PEX26: variants seen among roughly 807,000 people sequenced by gnomAD.
PEX26 encodes peroxisomal biogenesis factor 26, also known as peroxisome assembly protein 26.
In PEX26, 18 loss-of-function variants were observed where a neutral mutation model predicts 31.4. The observed-to-expected ratio is 0.57, with a 90% CI of 0.40 to 0.85. PEX26 has a LOEUF of 0.85. Among genes scored for constraint, PEX26 ranks in the 40% least tolerant of loss-of-function variants. PEX26 has a pLI of 0.00. For synonymous variants in PEX26, 176 were observed against 166.9 expected (o/e 1.05, Z -0.42); for missense variants, 377 against 383.9 (o/e 0.98, Z 0.15).
Position 18,093,701 on chromosome 22 carries a change from T to A in PEX26, c.*5626T>A, listed in dbSNP as rs1414730190. 1 of 152,232 alleles carries A rather than the reference T, an allele frequency of 6.6e-6. No homozygotes were observed. Among genetic ancestry groups the A allele is most frequent in the East Asian group, 1.9e-4 (1 of 5,206 alleles). 9.4% of individuals were successfully genotyped at this position (152,232 alleles called of 1,614,324 possible). On this transcript the variant is annotated 3_prime_UTR_variant, in exon 5 of 5. Coordinates refer to ENST00000399744, the MANE Select transcript of PEX26 (RefSeq NM_001127649.3). Reference sequence around the variant, plus strand: ...CAACCCTCTGGTGTCTGATTGTGTATCTAGCAACATTGCAGTATGAAGAAA... The same window carrying A: ...CAACCCTCTGGTGTCTGATTGTGTAACTAGCAACATTGCAGTATGAAGAAA...
intron 1 of PEX26, 151 bp downstream of exon 1, chr22:18,078,757 C>T (rs1241466486): frequency 1.3e-6 from 1 of 764,996 alleles, no homozygotes; most frequent in Admixed American, 2.0e-5. Flanking sequence ...GGTCGCTCAT[C>T]GTGTGCCCAT....
chr22:18,079,726 C>A (rs1926470072), intron 1 of PEX26, 148 bp from the exon 2 acceptor site: 2 of 918,006 alleles, frequency 2.2e-6, no homozygotes, highest in Non-Finnish European at 3.5e-6. Flanking sequence ...CCCATGAGAC[C>A]AATTGTGAAG....
chr22:18,101,732 C>CA lies in PEX26; in HGVS notation c.*13659dup, dbSNP rs1195214062. 1 of 257,834 alleles carries CA rather than the reference C, an allele frequency of 3.9e-6. No individual in the cohort carries two copies. The highest frequency in any genetic ancestry group is 7.4e-6 in the Non-Finnish European group (1 of 135,650). The allele number at this position is 257,834 out of a possible 1,614,324, so 16.0% of individuals were successfully genotyped here. A position where few individuals can be genotyped will look rare whatever the true frequency, so the allele number is the denominator to read the frequency against. Reference sequence around the variant, plus strand: ...CCCTCTCCTTTAAGACCTGGCATTACAATGGCCTCATCCTGCATGTGGGCA... The same window carrying CA: ...CCCTCTCCTTTAAGACCTGGCATTACAAATGGCCTCATCCTGCATGTGGGCA... On this transcript the variant is annotated 3_prime_UTR_variant, in exon 5 of 5. Transcript: ENST00000399744.
At position 18,078,326 on chromosome 22, in the gene PEX26, G is replaced by A. The variant is rs1434762134; in HGVS notation, c.-51G>A. On this transcript the variant is annotated 5_prime_UTR_variant, in exon 1 of 5. Coordinates refer to ENST00000399744, the MANE Select transcript of PEX26 (RefSeq NM_001127649.3). Reference sequence around the variant, plus strand: ...CTCGGGATATCCCGGAGCCTCTGGGGAGGCGGTCACTCCGACGTCTGAGGA... The same window carrying A: ...CTCGGGATATCCCGGAGCCTCTGGGAAGGCGGTCACTCCGACGTCTGAGGA... 30 of 1,338,948 alleles carry A rather than the reference G, an allele frequency of 2.2e-5. No homozygotes were observed. Among genetic ancestry groups the A allele is most frequent in the Non-Finnish European group, 2.7e-5 (26 of 947,384 alleles). The allele number at this position is 1,338,948 out of a possible 1,614,324, so 82.9% of individuals were successfully genotyped here.
rs528125943 is a variant in PEX26 at position 18,102,656 on chromosome 22, A to C, written c.*14581A>C. On this transcript the variant is annotated 3_prime_UTR_variant, in exon 5 of 5. Transcript: ENST00000399744. ...GCTACATATCCAACCACAGCATCAA[A>C]TTCTGTCTGATGAAGGGCACCAGCC... is the stretch of plus-strand genomic sequence containing the variant. The C allele has an allele frequency of 6.6e-6, 1 of 152,502 alleles. No individual in the cohort carries two copies. Among genetic ancestry groups the C allele is most frequent in the East Asian group, 1.9e-4 (1 of 5,184 alleles). 9.4% of individuals were successfully genotyped at this position (152,502 alleles called of 1,614,324 possible). A position where few individuals can be genotyped will look rare whatever the true frequency, so the allele number is the denominator to read the frequency against.
At chr22:18,085,010 T>G (rs1926781114) in intron 3 of PEX26, 102 bp from the exon 4 acceptor site, 2 of 1,290,510 alleles carry the variant, frequency 1.5e-6, no homozygotes, top group Non-Finnish European at 2.2e-6. Flanking sequence ...CATGAGCCAC[T>G]GCGCCTGGCC....
At position 18,078,362 on chromosome 22, in the gene PEX26, G is replaced by T. The variant is rs927136983; in HGVS notation, c.-15G>T. ...TCCGACGTCTGAGGACCTGGGCCTT[G>T]GACCCGGACTCGTTATGAAGAGCGA... On this transcript the variant is annotated 5_prime_UTR_variant, in exon 1 of 5. Coordinates refer to ENST00000399744, the MANE Select transcript of PEX26 (RefSeq NM_001127649.3). 1 of 1,580,740 alleles carries T rather than the reference G, an allele frequency of 6.3e-7. No individual in the cohort carries two copies. The highest frequency in any genetic ancestry group is 1.1e-5 in the South Asian group (1 of 88,810).
At position 18,091,036 on chromosome 22, in the gene PEX26, T is replaced by G. The variant is rs146420068; in HGVS notation, c.*2961T>G. The G allele has an allele frequency of 9.2e-3, 1,395 of 152,338 alleles. 9 individuals are homozygous for G. Among genetic ancestry groups the G allele is most frequent in the Middle Eastern group, 0.041 (12 of 294 alleles). The allele number at this position is 152,338 out of a possible 1,614,324, so 9.4% of individuals were successfully genotyped here. On this transcript the variant is annotated 3_prime_UTR_variant, in exon 5 of 5. Coordinates refer to ENST00000399744, the MANE Select transcript of PEX26 (RefSeq NM_001127649.3). ...TCAAAAGTTACAAAAAGGGTATTCT[T>G]GGAAAAGAAAGTTGTTTTTTTTTAG...
rs558287136 is a variant in PEX26, at chr22:18,078,332, G to C, written c.-45G>C. The C allele has an allele frequency of 7.1e-7, 1 of 1,409,782 alleles. No individual in the cohort carries two copies. The highest frequency in any genetic ancestry group is 1.4e-5 in the African/African-American group (1 of 71,226). The allele number at this position is 1,409,782 out of a possible 1,614,324, so 87.3% of individuals were successfully genotyped here. A position where few individuals can be genotyped will look rare whatever the true frequency, so the allele number is the denominator to read the frequency against. ...ATATCCCGGAGCCTCTGGGGAGGCG[G>C]TCACTCCGACGTCTGAGGACCTGGG... On this transcript the variant is annotated 5_prime_UTR_variant, in exon 1 of 5. Transcript: ENST00000399744.
rs1366916742 is a variant in PEX26, at chr22:18,100,338, G to C, written c.*12263G>C. On this transcript the variant is annotated 3_prime_UTR_variant, in exon 5 of 5. Transcript: ENST00000399744. ...GATCTGCCCTCCTCAGCCTCCCAAA[G>C]TGCTGGGATTAGAGGCGTGAGCCAC... 3 of 152,030 alleles carry C rather than the reference G, an allele frequency of 2.0e-5. No individual in the cohort carries two copies. Among genetic ancestry groups the C allele is most frequent in the Non-Finnish European group, 4.4e-5 (3 of 68,016 alleles). The allele number at this position is 152,030 out of a possible 1,614,324, so 9.4% of individuals were successfully genotyped here.
rs1238665019 is a variant in PEX26 at position 18,100,251 on chromosome 22, T to A, written c.*12176T>A. On this transcript the variant is annotated 3_prime_UTR_variant, in exon 5 of 5. Coordinates refer to ENST00000399744, the MANE Select transcript of PEX26 (RefSeq NM_001127649.3). Reference sequence around the variant, plus strand: ...CCACCATGCCCAGCTAATTTTATATTTTTAGTAGAGGCAGGGTTTCGCTGT... The same window carrying A: ...CCACCATGCCCAGCTAATTTTATATATTTAGTAGAGGCAGGGTTTCGCTGT... The A allele has an allele frequency of 6.6e-6, 1 of 152,058 alleles. No individual in the cohort carries two copies. The highest frequency in any genetic ancestry group is 1.5e-5 in the Non-Finnish European group (1 of 68,016). The allele number at this position is 152,058 out of a possible 1,614,324, so 9.4% of individuals were successfully genotyped here.
At position 18,100,772 on chromosome 22, in the gene PEX26, C is replaced by T. The variant is rs909878872; in HGVS notation, c.*12697C>T. On this transcript the variant is annotated 3_prime_UTR_variant, in exon 5 of 5. Coordinates refer to ENST00000399744, the MANE Select transcript of PEX26 (RefSeq NM_001127649.3). ...ATGCTGAGATAGATGAGTGGGACAC[C>T]ATCTCGGTAGGAAAGAGTTTGACAG... 2.0e-5 allele frequency: 3 copies of T among 152,216 alleles called. No homozygotes were observed. The highest frequency in any genetic ancestry group is 7.2e-5 in the African/African-American group (3 of 41,446). The allele number at this position is 152,216 out of a possible 1,614,324, so 9.4% of individuals were successfully genotyped here.
rs1177034434 is a variant in PEX26 at position 18,091,513 on chromosome 22, C to T, written c.*3438C>T. 6 of 152,140 alleles carry T rather than the reference C, an allele frequency of 3.9e-5. No individual in the cohort carries two copies. The East Asian group carries it at 1.2e-3, about 29-fold the overall frequency. The allele number at this position is 152,140 out of a possible 1,614,324, so 9.4% of individuals were successfully genotyped here. ...ATGAGCCGGGCATGGTGGTGGGTAC[C>T]TGTAATCCCAGCTACTCAGGAGGCT... On this transcript the variant is annotated 3_prime_UTR_variant, in exon 5 of 5. Coordinates refer to ENST00000399744, the MANE Select transcript of PEX26 (RefSeq NM_001127649.3).
rs1259793085 is a variant in PEX26 at position 18,098,258 on chromosome 22, A to G, written c.*10183A>G. The G allele has an allele frequency of 6.6e-6, 1 of 152,106 alleles. No individual in the cohort carries two copies. The highest frequency in any genetic ancestry group is 1.5e-5 in the Non-Finnish European group (1 of 68,020). 9.4% of individuals were successfully genotyped at this position (152,106 alleles called of 1,614,324 possible). A position where few individuals can be genotyped will look rare whatever the true frequency, so the allele number is the denominator to read the frequency against. ...TATAAATATATAGCTTTCTAGATAT[A>G]GGATTGGACTGGTTTTGGTTCTGGC... is the stretch of plus-strand genomic sequence containing the variant. On this transcript the variant is annotated 3_prime_UTR_variant, in exon 5 of 5. Transcript: ENST00000399744.
rs751008716 is a variant in PEX26, at chr22:18,078,072, G to C, written c.-305G>C. On this transcript the variant is annotated 5_prime_UTR_variant, in exon 1 of 5. Coordinates refer to ENST00000399744, the MANE Select transcript of PEX26 (RefSeq NM_001127649.3). Reference sequence around the variant, plus strand: ...GGTGAGTCTTTGATCGTAACCAGGAGCCCGGAGCTGAGGCAGTTCCTGCAC... The same window carrying C: ...GGTGAGTCTTTGATCGTAACCAGGACCCCGGAGCTGAGGCAGTTCCTGCAC... 3.6e-6 allele frequency: 2 copies of C among 559,176 alleles called. No homozygotes were observed. Among genetic ancestry groups the C allele is most frequent in the African/African-American group, 1.9e-5 (1 of 53,660 alleles). The allele number at this position is 559,176 out of a possible 1,614,324, so 34.6% of individuals were successfully genotyped here. A position where few individuals can be genotyped will look rare whatever the true frequency, so the allele number is the denominator to read the frequency against.
chr22:18,092,021 A>G lies in PEX26; in HGVS notation c.*3946A>G, dbSNP rs372945489. The G allele has an allele frequency of 6.6e-6, 1 of 152,420 alleles. No homozygotes were observed. The highest frequency in any genetic ancestry group is 2.1e-4 in the South Asian group (1 of 4,832). 9.4% of individuals were successfully genotyped at this position (152,420 alleles called of 1,614,324 possible). A position where few individuals can be genotyped will look rare whatever the true frequency, so the allele number is the denominator to read the frequency against. On this transcript the variant is annotated 3_prime_UTR_variant, in exon 5 of 5. Coordinates refer to ENST00000399744, the MANE Select transcript of PEX26 (RefSeq NM_001127649.3). ...CAGCCCAAGGAACTGTCAGAAAGCG[A>G]AAGTGATGACATGAACCGCGAGTAG...
rs1927478783 is a variant in PEX26 at position 18,102,476 on chromosome 22, G to GT, written c.*14401_*14402insT. 6.5e-6 allele frequency: 1 copy of GT among 154,676 alleles called. No individual in the cohort carries two copies. The highest frequency in any genetic ancestry group is 1.5e-5 in the Non-Finnish European group (1 of 68,882). The allele number at this position is 154,676 out of a possible 1,614,324, so 9.6% of individuals were successfully genotyped here. ...TGGGATCTAGTGCCACAGCTTGTTC[G>GT]GGGAAGCTGGCATAGAAGATGATTT... On this transcript the variant is annotated 3_prime_UTR_variant, in exon 5 of 5. Coordinates refer to ENST00000399744, the MANE Select transcript of PEX26 (RefSeq NM_001127649.3).
At position 18,090,705 on chromosome 22, in the gene PEX26, A is replaced by T. The variant is rs1927057950; in HGVS notation, c.*2630A>T. ...GGTTCTGAAGCATGCAACATAGAAC[A>T]GATACCTTTAAATTTAGGGGCGCTA... On this transcript the variant is annotated 3_prime_UTR_variant, in exon 5 of 5. Transcript: ENST00000399744. 1 of 148,324 alleles carries T rather than the reference A, an allele frequency of 6.7e-6. No individual in the cohort carries two copies. The highest frequency in any genetic ancestry group is 6.7e-5 in the Admixed American group (1 of 14,904). 9.2% of individuals were successfully genotyped at this position (148,324 alleles called of 1,614,324 possible). A position where few individuals can be genotyped will look rare whatever the true frequency, so the allele number is the denominator to read the frequency against.
Position 18,097,886 on chromosome 22 carries a change from A to T in PEX26, c.*9811A>T, listed in dbSNP as rs1056556859. 1.3e-5 allele frequency: 2 copies of T among 152,200 alleles called. No homozygotes were observed. The highest frequency in any genetic ancestry group is 4.8e-5 in the African/African-American group (2 of 41,452). The allele number at this position is 152,200 out of a possible 1,614,324, so 9.4% of individuals were successfully genotyped here. A position where few individuals can be genotyped will look rare whatever the true frequency, so the allele number is the denominator to read the frequency against. On this transcript the variant is annotated 3_prime_UTR_variant, in exon 5 of 5. Coordinates refer to ENST00000399744, the MANE Select transcript of PEX26 (RefSeq NM_001127649.3). ...AAGTGGCATGATTTTGATGACAATA[A>T]AGGACAATATGTAATTAATGGTAAT...
Sources: allele counts gnomAD v4.1 joint callset, GRCh38; gene constraint gnomAD v4.1.1; transcripts MANE v1.5; gene names NCBI Gene and HGNC (gene_info 2026-07-23, HGNC 2026-07-21).